The following FRMD5 variants were observed in gnomAD, a reference collection of about 807,000 sequenced individuals.
The protein encoded by FRMD5 is FERM domain-containing protein 5.
In FRMD5, 20 loss-of-function variants were observed where a neutral mutation model predicts 69.0. That is an observed-to-expected ratio of 0.29 (90% CI 0.20 to 0.42). The LOEUF (loss-of-function observed/expected upper bound fraction) is 0.42. FRMD5 is among the 10% of genes least tolerant of loss of function. The probability of loss-of-function intolerance (pLI) is 1.00; values close to 1 mark genes in which losing one functional copy is unlikely to be tolerated. For synonymous variants in FRMD5, 271 were observed against 260.1 expected (o/e 1.04, Z -0.40); for missense variants, 595 against 708.6 (o/e 0.84, Z 1.82).
At chr15:44,115,994 G>A (rs1235148111) in intron 1 of FRMD5, among the ~76,000 whole-genome samples, 1 of 152,094 alleles carries the variant, frequency 6.6e-6, no homozygotes, top group Non-Finnish European at 1.5e-5. Flanking sequence ...GAGCACTGGA[G>A]TCCAACCTAT....
Position 43,917,255 on chromosome 15 carries a change from T to C in FRMD5, c.329+2204A>G, listed in dbSNP as rs1197902640. 3.9e-5 allele frequency among the ~76,000 whole-genome samples: 6 copies of C among 152,190 alleles called. No homozygotes were observed. The East Asian group carries it at 1.2e-3, about 29-fold the overall frequency. Reference sequence around the variant, plus strand: ...GACGTGTTAGGTTTGCTCCGATATGTAGACAGGAGTACCAACTTTGGGGTC... The same window carrying C: ...GACGTGTTAGGTTTGCTCCGATATGCAGACAGGAGTACCAACTTTGGGGTC... On this transcript the variant is annotated intron_variant, in intron 4 of 13. Transcript: ENST00000417257.
chr15:43,882,128 C>T (rs1018118866), intron 13 of FRMD5, among the ~76,000 whole-genome samples: 1 of 152,138 alleles, frequency 6.6e-6, no homozygotes, highest in African/African-American at 2.4e-5. Context: ...GTGACCTGGG[C>T]CAGTGACAGC....
chr15:43,892,691 T>C (rs182702838), intron 7 of FRMD5, among the ~76,000 whole-genome samples: 4 of 152,236 alleles, frequency 2.6e-5, no homozygotes, highest in African/African-American at 9.6e-5. Flanking sequence ...TGATAGACGC[T>C]ACAACACAGG....
At chr15:43,941,079 C>A in intron 1 of FRMD5, among the ~76,000 whole-genome samples, 1 of 152,158 alleles carries the variant, frequency 6.6e-6, no homozygotes, top group East Asian at 1.9e-4. Context: ...GCATAGAAAT[C>A]ATGTTTGGGC....
chr15:43,993,840 T>C (rs556481773), intron 1 of FRMD5, among the ~76,000 whole-genome samples: 8 of 152,240 alleles, frequency 5.3e-5, no homozygotes, highest in Non-Finnish European at 1.2e-4. Flanking sequence ...AATGACCTTG[T>C]CTCATTTTAC....
At chr15:44,100,615 A>G (rs2076625001) in intron 1 of FRMD5, among the ~76,000 whole-genome samples, 1 of 152,158 alleles carries the variant, frequency 6.6e-6, no homozygotes, top group Admixed American at 6.5e-5. Flanking sequence ...GTGACCTCAC[A>G]TGGGACCCAA....
chr15:44,140,633 CTT>C (rs1566967365), intron 1 of FRMD5, among the ~76,000 whole-genome samples: 1 of 151,982 alleles, frequency 6.6e-6, no homozygotes, highest in East Asian at 1.9e-4. Context: ...AATCCCAGCA[CTT>C]TAGGAGGCCG....
chr15:44,054,589 A>G (rs1165330834), intron 1 of FRMD5, among the ~76,000 whole-genome samples: 4 of 152,220 alleles, frequency 2.6e-5, no homozygotes, highest in Non-Finnish European at 5.9e-5. Flanking sequence ...TATTCTAGCT[A>G]TAATAATTCT....
In FRMD5 at chr15:43,885,894, T is replaced by A. The variant is rs1185915647; in HGVS notation, c.885-139A>T. 3.2e-5 allele frequency: 22 copies of A among 691,616 alleles called. 2 individuals carry two copies. In the South Asian group the frequency reaches 3.6e-4, roughly 11 times the overall value. 42.8% of individuals were successfully genotyped at this position (691,616 alleles called of 1,614,324 possible). A position where few individuals can be genotyped will look rare whatever the true frequency, so the allele number is the denominator to read the frequency against. On this transcript the variant is annotated intron_variant, in intron 10 of 13. Coordinates refer to ENST00000417257, the MANE Select transcript of FRMD5 (RefSeq NM_032892.5). ...TTCATAGTCCACATTTGTCTCTGAC[T>A]CTCATTTAGGATCTGGGGGCTGTGC... is the stretch of plus-strand genomic sequence containing the variant.
intron 1 of FRMD5, among the ~76,000 whole-genome samples, chr15:44,009,626 C>A (rs1344951973): frequency 6.6e-6 from 1 of 152,110 alleles, no homozygotes; most frequent in Non-Finnish European, 1.5e-5. Context: ...CTGCGGTGAG[C>A]CGTGATTGTG....
chr15:43,898,205 T>G (rs561479350), intron 7 of FRMD5, among the ~76,000 whole-genome samples: 1 of 152,156 alleles, frequency 6.6e-6, no homozygotes, highest in East Asian at 1.9e-4. Context: ...GAATAATAAT[T>G]GAAAAAGCAC....
At chr15:44,137,452 C>G (rs149377053) in intron 1 of FRMD5, among the ~76,000 whole-genome samples, 2 of 152,350 alleles carry the variant, frequency 1.3e-5, no homozygotes, top group Non-Finnish European at 2.9e-5. Flanking sequence ...CTACCACCCT[C>G]TCCCCACTGA....
At chr15:44,018,995 A>G (rs1331762390) in intron 1 of FRMD5, among the ~76,000 whole-genome samples, 3 of 152,022 alleles carry the variant, frequency 2.0e-5, no homozygotes, top group Non-Finnish European at 4.4e-5. Context: ...CCTGGGTTCA[A>G]GCGATTCTCC....
intron 1 of FRMD5, among the ~76,000 whole-genome samples, chr15:44,015,152 T>C (rs541793559): frequency 5.8e-4 from 88 of 152,106 alleles, no homozygotes; most frequent in African/African-American, 2.0e-3. Context: ...TTTTTTTTTT[T>C]CAAGACAGGG....
Position 43,946,769 on chromosome 15 carries a change from C to T in FRMD5, c.103-22460G>A, listed in dbSNP as rs1025171917. 2.6e-5 allele frequency among the ~76,000 whole-genome samples: 4 copies of T among 152,248 alleles called. No individual in the cohort carries two copies. In the South Asian group the frequency reaches 8.3e-4, roughly 32 times the overall value. On this transcript the variant is annotated intron_variant, in intron 1 of 13. Transcript: ENST00000417257. ...CACTTTCACTTTGCTCTCTTCTGTC[C>T]CCCTGCTCCCTACATGGTGGTCACA...
At chr15:44,130,646 A>C (rs778718232) in intron 1 of FRMD5, among the ~76,000 whole-genome samples, 2 of 152,204 alleles carry the variant, frequency 1.3e-5, no homozygotes, top group African/African-American at 2.4e-5. Context: ...TATTTCTTCC[A>C]AACTTGAATA....
Position 44,138,496 on chromosome 15 carries a change from A to C in FRMD5, c.102+56457T>G, listed in dbSNP as rs532718212. Among the ~76,000 whole-genome samples, 4 of 152,346 alleles carry C rather than the reference A, an allele frequency of 2.6e-5. No homozygotes were observed. The South Asian group carries it at 8.3e-4, about 32-fold the overall frequency. ...ATGCCTTGAAGATAGTGGAGTTATA[A>C]GTTTAAAATGTTAGGAGAAAAGAAC... On this transcript the variant is annotated intron_variant, in intron 1 of 13. Coordinates refer to ENST00000417257, the MANE Select transcript of FRMD5 (RefSeq NM_032892.5).
At chr15:44,144,029 AC>A (rs1226311075) in intron 1 of FRMD5, among the ~76,000 whole-genome samples, 1 of 152,080 alleles carries the variant, frequency 6.6e-6, no homozygotes, top group Non-Finnish European at 1.5e-5. Flanking sequence ...AAAGCTAAAA[AC>A]AATGCCAGAT....
chr15:43,966,088 T>C lies in FRMD5; in HGVS notation c.103-41779A>G, dbSNP rs148934458. On this transcript the variant is annotated intron_variant, in intron 1 of 13. Transcript: ENST00000417257. ...ATTCTTGCCTTTTAAGAGTTTATCATCTGGGCTGGGTGCGGTGACTTACGC... is the reference window on the plus strand; with the variant it reads ...ATTCTTGCCTTTTAAGAGTTTATCACCTGGGCTGGGTGCGGTGACTTACGC... Among the ~76,000 whole-genome samples the C allele has an allele frequency of 7.2e-5, 11 of 152,084 alleles. No individual in the cohort carries two copies. In the East Asian group the frequency reaches 1.8e-3, roughly 24 times the overall value.
Sources: allele counts gnomAD v4.1 joint callset (sites outside exome capture counted in the v4.1 genomes callset), GRCh38; gene constraint gnomAD v4.1.1; transcripts MANE v1.5; gene names NCBI Gene and HGNC (gene_info 2026-07-23, HGNC 2026-07-21).